Variants in CLIP2 observed in about 807,000 individuals in gnomAD.
CLIP2 encodes the protein CAP-Gly domain containing linker protein 2, also known as CAP-Gly domain-containing linker protein 2.
Under a neutral mutation model 111.7 loss-of-function variants are expected in CLIP2, and 41 were observed. The ratio of observed to expected loss-of-function variants is 0.37; its 90% confidence interval spans 0.29 to 0.48. The LOEUF (loss-of-function observed/expected upper bound fraction) is 0.48. Among genes scored for constraint, CLIP2 ranks in the 20% least tolerant of loss-of-function variants. CLIP2 has a pLI of 0.99. For missense variants in CLIP2, 1,160 were observed against 1,422.1 expected (o/e 0.82, Z 2.96); for synonymous variants, 660 against 644.2 (o/e 1.02, Z -0.37).
chr7:74,296,221 G>A (rs1430960218), intron 1 of CLIP2, among the ~76,000 whole-genome samples: 1 of 152,032 alleles, frequency 6.6e-6, no homozygotes, highest in African/African-American at 2.4e-5. Context: ...ACCCTGCTGT[G>A]CCCAGCACGG....
At chr7:74,301,237 G>T (rs547308134) in intron 1 of CLIP2, among the ~76,000 whole-genome samples, 2 of 152,214 alleles carry the variant, frequency 1.3e-5, no homozygotes, top group African/African-American at 4.8e-5. Context: ...TCTTTTGTGT[G>T]CACTCTTTTT....
chr7:74,379,769 A>T (rs1051554454), intron 10 of CLIP2, among the ~76,000 whole-genome samples: 4 of 151,698 alleles, frequency 2.6e-5, no homozygotes, highest in African/African-American at 9.7e-5. Context: ...CCATCTCAAA[A>T]AATAATAATA....
chr7:74,386,689 A>G (rs3757588), intron 12 of CLIP2, 85 bp downstream of exon 12: 49,570 of 1,114,766 alleles, frequency 0.044, 4,939 homozygotes, highest in East Asian at 0.42. Context: ...GGAGTGGGTC[A>G]GGGCCTGGCT....
chr7:74,376,856 G>C lies in CLIP2; in HGVS notation c.2421+34G>C. The C allele has an allele frequency of 6.6e-7, 1 of 1,509,362 alleles. No individual in the cohort carries two copies. Among genetic ancestry groups the C allele is most frequent in the Non-Finnish European group, 8.9e-7 (1 of 1,128,968 alleles). 93.5% of individuals were successfully genotyped at this position (1,509,362 alleles called of 1,614,324 possible). On this transcript the variant is annotated intron_variant, in intron 10 of 16. Transcript: ENST00000223398. This position sits in a 1 kb window ranked among gnomAD's most constrained non-coding sequence, Gnocchi z 7.1. ...CTGCCCCTCCTGCTGGGGCGGGAGGGTCGGGCTGGGGAGGGCTTGGCCTTT... is the reference window on the plus strand; with the variant it reads ...CTGCCCCTCCTGCTGGGGCGGGAGGCTCGGGCTGGGGAGGGCTTGGCCTTT...
At chr7:74,385,913 T>C (rs1554314694) in intron 11 of CLIP2, among the ~76,000 whole-genome samples, 7 of 151,300 alleles carry the variant, frequency 4.6e-5, no homozygotes, top group Non-Finnish European at 1.5e-5. Context: ...CAGCTAATTT[T>C]GTATTTTTAG....
At chr7:74,312,937 C>T (rs534279915) in intron 1 of CLIP2, among the ~76,000 whole-genome samples, 7 of 152,240 alleles carry the variant, frequency 4.6e-5, no homozygotes, top group African/African-American at 1.7e-4. Flanking sequence ...ACGCACATTC[C>T]TGACGCGAGC....
rs1449372642 is a variant in CLIP2 at position 74,403,077 on chromosome 7, G to A, written c.3130-760G>A. ...AATACAAAAAAAAAAAAATCATCTGGGTGTGGTGGCACATGCCTGTAGTCC... is the reference window on the plus strand; with the variant it reads ...AATACAAAAAAAAAAAAATCATCTGAGTGTGGTGGCACATGCCTGTAGTCC... On this transcript the variant is annotated intron_variant, in intron 16 of 16. Coordinates refer to ENST00000223398, the MANE Select transcript of CLIP2 (RefSeq NM_003388.5). Among the ~76,000 whole-genome samples the A allele has an allele frequency of 2.6e-5, 4 of 152,030 alleles. No individual in the cohort carries two copies. In the East Asian group the frequency reaches 7.7e-4, roughly 29 times the overall value.
intron 14 of CLIP2, among the ~76,000 whole-genome samples, chr7:74,398,588 A>G (rs1791527653): frequency 6.6e-6 from 1 of 152,204 alleles, no homozygotes; most frequent in Non-Finnish European, 1.5e-5. Context: ...GCCCTGGGCA[A>G]GGGGGTGGTT....
At chr7:74,306,456 G>A (rs1211292385) in intron 1 of CLIP2, among the ~76,000 whole-genome samples, 3 of 152,142 alleles carry the variant, frequency 2.0e-5, no homozygotes, top group South Asian at 2.1e-4. Context: ...AGGCGTGCCC[G>A]CTTCCTGGCT....
intron 10 of CLIP2, among the ~76,000 whole-genome samples, chr7:74,379,258 C>T (rs938747601): frequency 2.7e-5 from 4 of 149,786 alleles, no homozygotes; most frequent in Non-Finnish European, 5.9e-5. Context: ...GAACCCGGGA[C>T]GTGGAGGTTG....
At chr7:74,333,932 G>C (rs986725667) in intron 2 of CLIP2, among the ~76,000 whole-genome samples, 1 of 152,206 alleles carries the variant, frequency 6.6e-6, no homozygotes, top group Admixed American at 6.6e-5. Flanking sequence ...TTTGGCCTGC[G>C]AGGATATGGA....
intron 1 of CLIP2, among the ~76,000 whole-genome samples, chr7:74,296,246 C>T (rs1180952358): frequency 2.6e-5 from 4 of 151,884 alleles, no homozygotes; most frequent in African/African-American, 4.8e-5. Context: ...TCAAGCCTCA[C>T]GTCTGTAATC....
Position 74,376,877 on chromosome 7 carries a change from C to T in CLIP2, c.2421+55C>T, listed in dbSNP as rs114762479. On this transcript the variant is annotated intron_variant, in intron 10 of 16. Coordinates refer to ENST00000223398, the MANE Select transcript of CLIP2 (RefSeq NM_003388.5). This position sits in a 1 kb window ranked among gnomAD's most constrained non-coding sequence, Gnocchi z 7.1. ...GAGGGTCGGGCTGGGGAGGGCTTGG[C>T]CTTTTGCTGACCTCTGTTCTGCAGC... 5,398 of 1,437,862 alleles carry T rather than the reference C, an allele frequency of 3.8e-3. 142 individuals carry two copies. The African/African-American group carries it at 0.066, about 18-fold the overall frequency. 89.1% of individuals were successfully genotyped at this position (1,437,862 alleles called of 1,614,324 possible).
In CLIP2 at chr7:74,338,695, G is replaced by A. The variant is rs112969082; in HGVS notation, c.369G>A (p.Ala123=). 2,886 of 1,584,332 alleles carry A rather than the reference G, an allele frequency of 1.8e-3. 17 individuals are homozygous for A. Among genetic ancestry groups the A allele is most frequent in the African/African-American group, 0.016 (1,210 of 74,522 alleles). The part of the protein sequence containing the change: ...LDDPVGKNDG[A]VGGVRYFECP... The stretch of plus-strand genomic sequence containing the variant: ...ACCCGGTGGGCAAGAATGATGGCGC[G>A]GTGGGCGGCGTGCGCTACTTCGAGT... Residue 123 remains alanine, a synonymous_variant, in exon 3 of 17, where the codon GCG becomes GCA. Transcript: ENST00000223398. This position sits in a 1 kb window ranked among gnomAD's most constrained non-coding sequence, Gnocchi z 4.3.
At chr7:74,354,783 AAAATAAAT>A (rs142758995) in intron 4 of CLIP2, among the ~76,000 whole-genome samples, 30 of 152,090 alleles carry the variant, frequency 2.0e-4, no homozygotes, top group African/African-American at 5.3e-4. Flanking sequence ...AAAATAATAA[AAAATAAAT>A]AAATAAATAA....
intron 2 of CLIP2, among the ~76,000 whole-genome samples, chr7:74,336,074 T>A (rs1789447593): frequency 6.6e-6 from 1 of 151,588 alleles, no homozygotes; most frequent in Admixed American, 6.6e-5. Flanking sequence ...TTTCTATTCT[T>A]TTCTTTTCTT....
At chr7:74,365,653 AT>A (rs56856353) in intron 8 of CLIP2, among the ~76,000 whole-genome samples, 53,893 of 152,130 alleles carry the variant, frequency 0.35, 10,311 homozygotes, top group Middle Eastern at 0.48. Context: ...GGGCTGCAGA[AT>A]TCCCCATGCA....
chr7:74,293,623 G>A (rs1437788182), intron 1 of CLIP2, among the ~76,000 whole-genome samples: 2 of 152,196 alleles, frequency 1.3e-5, no homozygotes, highest in African/African-American at 4.8e-5. Context: ...GATGAAGGTT[G>A]TGTGTTAGGT....
intron 5 of CLIP2, 137 bp downstream of exon 5, chr7:74,356,760 A>G: frequency 4.0e-6 from 3 of 754,326 alleles, no homozygotes; most frequent in South Asian, 1.7e-5. Context: ...AAGAAAGTGC[A>G]TATCTTTTAA....
Sources: allele counts gnomAD v4.1 joint callset (sites outside exome capture counted in the v4.1 genomes callset), GRCh38; gene constraint gnomAD v4.1.1; non-coding constraint Gnocchi (gnomAD v3.1); transcripts MANE v1.5; gene names NCBI Gene and HGNC (gene_info 2026-07-23, HGNC 2026-07-21).